HSD3B2: variants seen among roughly 807,000 people sequenced by gnomAD.
HSD3B2 encodes the protein hydroxy-delta-5-steroid dehydrogenase, 3 beta- and steroid delta-isomerase 2.
A neutral mutation model predicts 9.9 loss-of-function variants in HSD3B2; 8 were observed. The observed-to-expected ratio is 0.81, with a 90% CI of 0.47 to 1.46. HSD3B2 has a LOEUF of 1.46. Among genes scored for constraint, HSD3B2 ranks in the 40% most tolerant of loss-of-function variants. The pLI, the probability that HSD3B2 is intolerant of heterozygous loss-of-function variation, is 0.00. For missense variants in HSD3B2, 410 were observed against 448.3 expected (o/e 0.91, Z 0.77); for synonymous variants, 221 against 184.5 (o/e 1.20, Z -1.60).
intron 2 of HSD3B2, among the ~76,000 whole-genome samples, chr1:119,416,375 C>G (rs1413997590): frequency 1.3e-5 from 2 of 152,116 alleles, no homozygotes; most frequent in Non-Finnish European, 2.9e-5. Context: ...GCAGAATTTG[C>G]TGTAGTAACT....
rs191329987 is a variant in HSD3B2 at position 119,422,889 on chromosome 1, G to T, written c.*269G>T. 7 of 552,846 alleles carry T rather than the reference G, an allele frequency of 1.3e-5. No homozygotes were observed. The highest frequency in any genetic ancestry group is 1.9e-5 in the Non-Finnish European group (6 of 308,396). The allele number at this position is 552,846 out of a possible 1,614,324, so 34.2% of individuals were successfully genotyped here. On this transcript the variant is annotated 3_prime_UTR_variant, in exon 4 of 4. Transcript: ENST00000369416. ...TCAGTGGCTGATTCTGAACAATTGTGGTCTCTCTTAACTTGAGGTTCTCTT... is the reference window on the plus strand; with the variant it reads ...TCAGTGGCTGATTCTGAACAATTGTTGTCTCTCTTAACTTGAGGTTCTCTT...
chr1:119,421,673 G>A (rs1375417643), intron 3 of HSD3B2, 136 bp from the exon 4 acceptor site: 1 of 982,526 alleles, frequency 1.0e-6, no homozygotes, highest in Non-Finnish European at 1.6e-6. Context: ...CTCAGTCAGA[G>A]CCACAGAAGA....
chr1:119,420,286 C>T (rs1362011875), intron 3 of HSD3B2, among the ~76,000 whole-genome samples: 2 of 152,182 alleles, frequency 1.3e-5, no homozygotes, highest in East Asian at 3.9e-4. Context: ...TGCAGTCTCA[C>T]CCTCTGATTC....
chr1:119,421,475 A>ATG (rs1553209685), intron 3 of HSD3B2, among the ~76,000 whole-genome samples: 47 of 4,154 alleles, frequency 0.011, 3 homozygotes, highest in Admixed American at 0.036. Flanking sequence ...GTATATATAT[A>ATG]TGTATATATA....
In HSD3B2 at chr1:119,415,515, G is replaced by A. The variant is rs771061890; in HGVS notation, c.96G>A (p.Arg32=). ...LVEEKELKEI[R]ALDKAFRPEL... ...AAGAGAAGGAACTGAAGGAGATCAG[G>A]GCCTTGGACAAGGCCTTCAGACCAG... Residue 32 remains arginine, a synonymous_variant, in exon 2 of 4, where the codon AGG becomes AGA. Transcript: ENST00000369416. 6.2e-7 allele frequency: 1 copy of A among 1,613,880 alleles called. No homozygotes were observed. The highest frequency in any genetic ancestry group is 2.2e-5 in the East Asian group (1 of 44,858).
intron 2 of HSD3B2, among the ~76,000 whole-genome samples, chr1:119,418,001 G>T (rs1651756234): frequency 6.6e-6 from 1 of 152,162 alleles, no homozygotes; most frequent in Admixed American, 6.5e-5. Flanking sequence ...CAAGCTGTGA[G>T]CCGTATGCAG....
Position 119,415,316 on chromosome 1 carries a change from A to G in HSD3B2, c.-89-15A>G, listed in dbSNP as rs993319943. The G allele has an allele frequency of 9.7e-6, 12 of 1,241,282 alleles. No individual in the cohort carries two copies. In the Admixed American group the frequency reaches 2.1e-4, roughly 21 times the overall value. 76.9% of individuals were successfully genotyped at this position (1,241,282 alleles called of 1,614,324 possible). ...CATCTGCTGAGTGTATAACCATTTT[A>G]CCTCTTGTTTTTAGCCCTCTTCTGG... is the stretch of plus-strand genomic sequence containing the variant. On this transcript the variant is annotated splice_polypyrimidine_tract_variant and intron_variant, in intron 1 of 3. Coordinates refer to ENST00000369416, the MANE Select transcript of HSD3B2 (RefSeq NM_000198.4).
chr1:119,421,170 T>C (rs3820030), intron 3 of HSD3B2, among the ~76,000 whole-genome samples: 3,368 of 151,996 alleles, frequency 0.022, 160 homozygotes, highest in East Asian at 0.19. Flanking sequence ...TGAATTTGTG[T>C]GTGTAACACA....
At chr1:119,420,191 A>G (rs994328185) in intron 3 of HSD3B2, among the ~76,000 whole-genome samples, 6 of 152,216 alleles carry the variant, frequency 3.9e-5, no homozygotes, top group African/African-American at 1.4e-4. Flanking sequence ...AGCTCACCAC[A>G]GGGTCTACTA....
chr1:119,419,199 G>A (rs1417568444), intron 2 of HSD3B2, among the ~76,000 whole-genome samples: 3 of 152,156 alleles, frequency 2.0e-5, no homozygotes. Context: ...TCTGGAATAA[G>A]ATGGGGTAGA....
At position 119,422,956 on chromosome 1, in the gene HSD3B2, A is replaced by T; in HGVS notation, c.*336A>T. On this transcript the variant is annotated 3_prime_UTR_variant, in exon 4 of 4. Transcript: ENST00000369416. Reference sequence around the variant, plus strand: ...CATTTCCCCTCTTAAATGAGAAAGCATTTCTTTTCTCTTTAATCTCCTATT... The same window carrying T: ...CATTTCCCCTCTTAAATGAGAAAGCTTTTCTTTTCTCTTTAATCTCCTATT... The T allele has an allele frequency of 1.6e-5, 7 of 448,652 alleles. No individual in the cohort carries two copies. In the South Asian group the frequency reaches 1.8e-4, roughly 11 times the overall value. 27.8% of individuals were successfully genotyped at this position (448,652 alleles called of 1,614,324 possible).
Position 119,415,459 on chromosome 1 carries a change from C to G in HSD3B2, c.40C>G (p.Leu14Val), listed in dbSNP as rs377504860. The G allele has an allele frequency of 6.2e-7, 1 of 1,614,000 alleles. No individual in the cohort carries two copies. The highest frequency in any genetic ancestry group is 8.5e-7 in the Non-Finnish European group (1 of 1,179,928). The change falls in exon 2 of 4, where the codon CTG becomes GTG. Residue 14 changes from leucine to valine, a missense_variant. Physicochemically the swap from Leu to Val is conservative, Grantham distance 32. Coordinates refer to ENST00000369416, the MANE Select transcript of HSD3B2 (RefSeq NM_000198.4). ...SCLVTGAGGL[L>V]GQRIVRLLVE... ...CCTTGTGACAGGAGCAGGAGGGCTT[C>G]TGGGTCAGAGGATCGTCCGCCTGTT...
At position 119,422,141 on chromosome 1, in the gene HSD3B2, G is replaced by C; in HGVS notation, c.640G>C (p.Val214Leu). Residue 214 changes from valine (V) to leucine (L), a missense_variant, in exon 4 of 4, where the codon GTT (valine) becomes CTT (leucine). Val to Leu is a conservative substitution (Grantham distance 32). Coordinates refer to ENST00000369416, the MANE Select transcript of HSD3B2 (RefSeq NM_000198.4). ...GAACAACAATGGGATCCTGTCAAGT[G>C]TTGGAAAGTTCTCTACAGTCAACCC... is the stretch of plus-strand genomic sequence containing the variant. The part of the protein sequence containing the change: ...ALNNNGILSS[V>L]GKFSTVNPVY... 1.2e-6 allele frequency: 2 copies of C among 1,614,108 alleles called. No individual in the cohort carries two copies. Among genetic ancestry groups the C allele is most frequent in the Non-Finnish European group, 1.7e-6 (2 of 1,180,014 alleles).
At chr1:119,415,688 C>T in intron 2 of HSD3B2, 127 bp downstream of exon 2, 1 of 980,762 alleles carries the variant, frequency 1.0e-6, no homozygotes, top group African/African-American at 1.6e-5. Flanking sequence ...CATCTAAAGT[C>T]ATCAGAAAGG....
In HSD3B2 at chr1:119,416,280, C is replaced by T. The variant is rs1651707377; in HGVS notation, c.142+719C>T. On this transcript the variant is annotated intron_variant, in intron 2 of 3. Transcript: ENST00000369416. ...AGAGTAAAAGGCAGTATGAGGCCAA[C>T]ATGCCTCATTTATATTTCTCATATA... Among the ~76,000 whole-genome samples the T allele has an allele frequency of 2.6e-5, 4 of 152,124 alleles. No homozygotes were observed. In the South Asian group the frequency reaches 8.3e-4, roughly 31 times the overall value.
Position 119,421,957 on chromosome 1 carries a change from T to G in HSD3B2, c.456T>G (p.Thr152=). 2 of 1,614,002 alleles carry G rather than the reference T, an allele frequency of 1.2e-6. No homozygotes were observed. The highest frequency in any genetic ancestry group is 1.7e-6 in the Non-Finnish European group (2 of 1,179,980). The part of the protein sequence containing the change: ...EEEPLENTWP[T]PYPYSKKLAE... The stretch of plus-strand genomic sequence containing the variant: ...AGCCTCTGGAAAACACATGGCCCAC[T>G]CCATACCCGTACAGCAAAAAGCTTG... Residue 152 remains threonine (T), a synonymous_variant, in exon 4 of 4, where the codon ACT becomes ACG. Transcript: ENST00000369416.
At chr1:119,418,743 C>A (rs967294946) in intron 2 of HSD3B2, among the ~76,000 whole-genome samples, 1 of 151,724 alleles carries the variant, frequency 6.6e-6, no homozygotes, top group Non-Finnish European at 1.5e-5. Context: ...CCTCCACCTC[C>A]CAGACTCCAT....
chr1:119,415,790 T>C (rs1651691266), intron 2 of HSD3B2, among the ~76,000 whole-genome samples: 3 of 152,166 alleles, frequency 2.0e-5, no homozygotes, highest in African/African-American at 4.8e-5. Flanking sequence ...GAGGCAGCCA[T>C]GTCAGCCTCA....
At chr1:119,418,803 C>T (rs924380330) in intron 2 of HSD3B2, among the ~76,000 whole-genome samples, 5 of 151,884 alleles carry the variant, frequency 3.3e-5, no homozygotes, top group African/African-American at 1.2e-4. Flanking sequence ...AGGCACATAC[C>T]ATCACGCCCA....
Sources: gnomAD v4.1 joint callset for allele counts (sites outside exome capture counted in the v4.1 genomes callset) on GRCh38, gnomAD v4.1.1 for gene constraint, MANE v1.5 for transcripts, NCBI Gene and HGNC (gene_info 2026-07-23, HGNC 2026-07-21) for gene names.